The following TEX36 variants were observed in gnomAD, a reference collection of about 807,000 sequenced individuals.
TEX36 encodes testis-expressed protein 36.
Under a neutral mutation model 13.6 loss-of-function variants are expected in TEX36, and 12 were observed. The observed-to-expected ratio is 0.88, with a 90% CI of 0.56 to 1.43. The LOEUF (loss-of-function observed/expected upper bound fraction) is 1.43. Ranked by LOEUF, TEX36 falls within the 40% of genes most tolerant of loss-of-function variation. TEX36 has a pLI of 0.00. For synonymous variants in TEX36, 93 were observed against 83.0 expected (o/e 1.12, Z -0.65); for missense variants, 224 against 228.3 (o/e 0.98, Z 0.12).
intron 3 of TEX36, among the ~76,000 whole-genome samples, chr10:125,624,083 C>G (rs1846457898): frequency 6.6e-6 from 1 of 152,212 alleles, no homozygotes; most frequent in Admixed American, 6.5e-5. Context: ...CTTTTTGATT[C>G]TAAGCTGGAC....
At chr10:125,677,198 A>G (rs1187624074) in intron 1 of TEX36, among the ~76,000 whole-genome samples, 1 of 152,192 alleles carries the variant, frequency 6.6e-6, no homozygotes, top group Non-Finnish European at 1.5e-5. Flanking sequence ...TTTGTATTGT[A>G]TCTGCCTGGG....
chr10:125,627,292 T>C (rs1846500431), intron 3 of TEX36, among the ~76,000 whole-genome samples: 1 of 152,232 alleles, frequency 6.6e-6, no homozygotes, highest in Middle Eastern at 3.2e-3. Context: ...CATTAGATTA[T>C]GCTTTTAGAT....
intron 3 of TEX36, among the ~76,000 whole-genome samples, chr10:125,604,116 T>A: frequency 6.6e-6 from 1 of 152,030 alleles, no homozygotes; most frequent in East Asian, 1.9e-4. Flanking sequence ...ATGTTTCCCA[T>A]AAAATGTGAC....
chr10:125,590,847 A>C (rs1846012990), intron 3 of TEX36, among the ~76,000 whole-genome samples: 1 of 152,226 alleles, frequency 6.6e-6, no homozygotes, highest in African/African-American at 2.4e-5. Flanking sequence ...AGATATAGAT[A>C]TATTGATATA....
At chr10:125,679,320 CAACAGCCCAAGTT>C (rs1847360322) in intron 1 of TEX36, among the ~76,000 whole-genome samples, 1 of 152,100 alleles carries the variant, frequency 6.6e-6, no homozygotes, top group African/African-American at 2.4e-5. Flanking sequence ...GTCCCAGTAG[CAACAGCCCAAGTT>C]TCCATAATGC....
intron 3 of TEX36, among the ~76,000 whole-genome samples, chr10:125,624,035 A>G (rs1846457173): frequency 6.6e-6 from 1 of 152,200 alleles, no homozygotes; most frequent in Admixed American, 6.5e-5. Context: ...GATATCATTA[A>G]TTCTCTATGT....
In TEX36 at chr10:125,603,214, C is replaced by T. The variant is rs146755748; in HGVS notation, c.265-26340G>A. On this transcript the variant is annotated intron_variant, in intron 3 of 3. Transcript: ENST00000532135. Reference sequence around the variant, plus strand: ...AAAAGCACCACCCCTCTCCATGGCCCCCCGCCAGAAACTACAGGAAGGGAT... The same window carrying T: ...AAAAGCACCACCCCTCTCCATGGCCTCCCGCCAGAAACTACAGGAAGGGAT... Among the ~76,000 whole-genome samples the T allele has an allele frequency of 7.9e-3, 1,210 of 152,332 alleles. 7 individuals are homozygous for T. The highest frequency in any genetic ancestry group is 0.027 in the Middle Eastern group (8 of 294).
chr10:125,657,535 G>C (rs951156818), intron 3 of TEX36, among the ~76,000 whole-genome samples: 3 of 152,098 alleles, frequency 2.0e-5, no homozygotes, highest in African/African-American at 7.2e-5. Context: ...ATAGGGGAAA[G>C]AGCTTCAAGG....
At chr10:125,634,684 G>A (rs1248468384) in intron 3 of TEX36, among the ~76,000 whole-genome samples, 2 of 152,190 alleles carry the variant, frequency 1.3e-5, no homozygotes, top group Non-Finnish European at 2.9e-5. Context: ...CTGCTAGAAT[G>A]GATAGCGCCC....
chr10:125,664,569 G>C (rs1847095326), intron 1 of TEX36, among the ~76,000 whole-genome samples: 1 of 152,146 alleles, frequency 6.6e-6, no homozygotes, highest in Admixed American at 6.5e-5. Context: ...TTTCATGATA[G>C]TGAGTGAGTT....
chr10:125,618,942 TAAAA>T (rs11452140), downstream of TEX36, among the ~76,000 whole-genome samples: 147 of 43,578 alleles, frequency 3.4e-3, 1 homozygote, highest in African/African-American at 0.013. Context: ...CCGTCTCTAC[TAAAA>T]AAAAAAAAAA....
At chr10:125,583,108 CT>C (rs1392604047) in intron 3 of TEX36, among the ~76,000 whole-genome samples, 1 of 152,154 alleles carries the variant, frequency 6.6e-6, no homozygotes, top group Non-Finnish European at 1.5e-5. Context: ...GAAATTTATT[CT>C]TCTAATCACT....
Position 125,655,771 on chromosome 10 carries a change from T to C in TEX36, c.*129A>G, listed in dbSNP as rs1346513608. The C allele has an allele frequency of 4.5e-6, 6 of 1,343,678 alleles. No individual in the cohort carries two copies. The East Asian group carries it at 1.6e-4, about 36-fold the overall frequency. 83.2% of individuals were successfully genotyped at this position (1,343,678 alleles called of 1,614,324 possible). A position where few individuals can be genotyped will look rare whatever the true frequency, so the allele number is the denominator to read the frequency against. ...TCATTTCACAAGGATTTGAATGTTT[T>C]TTGACCTTATAAAAATCATAAAAGT... On this transcript the variant is annotated 3_prime_UTR_variant, in exon 4 of 4. Coordinates refer to ENST00000368821, the MANE Select transcript of TEX36 (RefSeq NM_001128202.3).
At chr10:125,582,147 T>A (rs1438260368) in intron 3 of TEX36, among the ~76,000 whole-genome samples, 2 of 152,092 alleles carry the variant, frequency 1.3e-5, no homozygotes, top group Non-Finnish European at 2.9e-5. Flanking sequence ...CTCAGAGAGA[T>A]GGCCAGCAGC....
downstream of TEX36, among the ~76,000 whole-genome samples, chr10:125,619,208 A>G (rs946599783): frequency 6.6e-6 from 1 of 152,182 alleles, no homozygotes; most frequent in Non-Finnish European, 1.5e-5. Context: ...GCACCAAGAC[A>G]GATCGTGGAG....
At chr10:125,674,613 CTT>C (rs924809441) in intron 1 of TEX36, among the ~76,000 whole-genome samples, 9 of 152,192 alleles carry the variant, frequency 5.9e-5, no homozygotes, top group African/African-American at 1.9e-4. Context: ...TTTACAGGGA[CTT>C]TTTTGTTGAT....
intron 2 of TEX36, among the ~76,000 whole-genome samples, 181 bp from the exon 3 acceptor site, chr10:125,661,282 C>G (rs745856498): frequency 6.6e-6 from 1 of 152,138 alleles, no homozygotes; most frequent in East Asian, 1.9e-4. Flanking sequence ...TGCTCATCAG[C>G]GCCGGGCTTT....
chr10:125,592,733 C>T (rs1195003269), intron 3 of TEX36, among the ~76,000 whole-genome samples: 2 of 152,178 alleles, frequency 1.3e-5, no homozygotes, highest in African/African-American at 4.8e-5. Flanking sequence ...TTCCAACCAC[C>T]TGGCTATAAG....
At chr10:125,589,394 A>G (rs1005676041) in intron 3 of TEX36, among the ~76,000 whole-genome samples, 8 of 152,220 alleles carry the variant, frequency 5.3e-5, no homozygotes, top group Admixed American at 5.2e-4. Context: ...GCATTAAAAA[A>G]TAGGGGTGAT....
Sources: allele counts gnomAD v4.1 joint callset (sites outside exome capture counted in the v4.1 genomes callset), GRCh38; gene constraint gnomAD v4.1.1; transcripts MANE v1.5; gene names NCBI Gene and HGNC (gene_info 2026-07-23, HGNC 2026-07-21).